MREG: variants seen among roughly 807,000 people sequenced by gnomAD.
MREG encodes dilute suppressor protein homolog.
A neutral mutation model predicts 28.5 loss-of-function variants in MREG; 31 were observed. The observed-to-expected ratio is 1.09, with a 90% CI of 0.82 to 1.47. The LOEUF is 1.47. MREG is among the 40% of genes most tolerant of loss of function. The pLI is 0.00. For missense variants in MREG, 256 were observed against 257.4 expected (o/e 0.99, Z 0.04); for synonymous variants, 106 against 95.2 (o/e 1.11, Z -0.66).
chr2:215,993,551 A>G (rs1693778118), intron 2 of MREG, among the ~76,000 whole-genome samples: 1 of 152,246 alleles, frequency 6.6e-6, no homozygotes. Context: ...CAATGGCAAC[A>G]AAAGCCAAAA....
chr2:215,955,622 C>T (rs1403390605), intron 2 of MREG, among the ~76,000 whole-genome samples: 6 of 152,176 alleles, frequency 3.9e-5, no homozygotes, highest in African/African-American at 1.4e-4. Context: ...TGTCTCTTTC[C>T]TTTCAGTTCG....
intron 1 of MREG, among the ~76,000 whole-genome samples, chr2:216,000,139 C>G (rs569164637): frequency 2.0e-5 from 3 of 152,338 alleles, no homozygotes; most frequent in African/African-American, 7.2e-5. Flanking sequence ...GCATTCCACC[C>G]CTCACGTTAC....
chr2:216,014,494 C>T (rs1694396217), upstream of MREG, among the ~76,000 whole-genome samples: 1 of 151,856 alleles, frequency 6.6e-6, no homozygotes, highest in Non-Finnish European at 1.5e-5. Flanking sequence ...ACTAAAAATA[C>T]AAAAATTAGC....
downstream of MREG, chr2:215,941,595 CCTT>C: frequency 6.6e-6 from 1 of 152,294 alleles, no homozygotes; most frequent in South Asian, 2.1e-4. Flanking sequence ...TTTACAAAGA[CCTT>C]CTTGGAGACC....
intron 2 of MREG, among the ~76,000 whole-genome samples, chr2:215,964,830 G>T (rs1187646210): frequency 7.2e-6 from 1 of 138,312 alleles, no homozygotes; most frequent in African/African-American, 2.6e-5. Context: ...TAAGAATCTA[G>T]ACAGACAGAC....
intron 2 of MREG, among the ~76,000 whole-genome samples, chr2:215,987,979 T>C (rs946491053): frequency 9.2e-5 from 14 of 152,286 alleles, no homozygotes; most frequent in African/African-American, 2.9e-4. Context: ...TTTCAAATCA[T>C]TTCATGCATA....
chr2:215,940,161 A>T (rs1274773141), downstream of MREG, among the ~76,000 whole-genome samples: 1 of 152,252 alleles, frequency 6.6e-6, no homozygotes, highest in Non-Finnish European at 1.5e-5. Context: ...TGTTTAAGTG[A>T]CTTGAAAACT....
chr2:216,001,016 C>A (rs1694001715), intron 1 of MREG, among the ~76,000 whole-genome samples: 1 of 151,620 alleles, frequency 6.6e-6, no homozygotes, highest in Non-Finnish European at 1.5e-5. Context: ...CTCTCTCTAG[C>A]TGTCTCTGTC....
At chr2:215,999,719 G>A (rs943468627) in intron 1 of MREG, among the ~76,000 whole-genome samples, 2 of 152,200 alleles carry the variant, frequency 1.3e-5, no homozygotes, top group Admixed American at 6.5e-5. Flanking sequence ...TCAGAGAGCG[G>A]GTGACAGCAG....
At chr2:216,023,869 T>G (rs1441481117) in intron 1 of MREG, among the ~76,000 whole-genome samples, 1 of 152,200 alleles carries the variant, frequency 6.6e-6, no homozygotes, top group East Asian at 1.9e-4. Context: ...GGTTTCACCA[T>G]GTTGGCCAGG....
At chr2:215,946,901 T>C in intron 3 of MREG, 122 bp downstream of exon 3, 1 of 651,790 alleles carries the variant, frequency 1.5e-6, no homozygotes, top group Non-Finnish European at 2.7e-6. Flanking sequence ...GAATAATTAG[T>C]ACACAGTAGT....
At chr2:215,960,322 C>T (rs1418021624) in intron 2 of MREG, among the ~76,000 whole-genome samples, 1 of 152,196 alleles carries the variant, frequency 6.6e-6, no homozygotes, top group Non-Finnish European at 1.5e-5. Context: ...TACCTGACCA[C>T]AAGAACCGGG....
At chr2:215,961,102 G>C (rs1250425088) in intron 2 of MREG, among the ~76,000 whole-genome samples, 1 of 152,246 alleles carries the variant, frequency 6.6e-6, no homozygotes, top group Non-Finnish European at 1.5e-5. Flanking sequence ...CAAAAGACTG[G>C]ACTAACCTTG....
Position 215,943,267 on chromosome 2 carries a change from G to T in MREG, c.*1596C>A, listed in dbSNP as rs1692227768. ...AACATGAACCATGATCTCTTGACAA[G>T]TTCCTTGCTTAAGTGGCAAGTAACT... On this transcript the variant is annotated 3_prime_UTR_variant, in exon 5 of 5. Transcript: ENST00000263268. 3 of 361,760 alleles carry T rather than the reference G, an allele frequency of 8.3e-6. No individual in the cohort carries two copies. Among genetic ancestry groups the T allele is most frequent in the Admixed American group, 6.1e-5 (2 of 32,846 alleles). The allele number at this position is 361,760 out of a possible 1,614,324, so 22.4% of individuals were successfully genotyped here.
rs1491254196 is a variant in MREG at position 216,031,698 on chromosome 2, A to AG, written c.-68+1090_-68+1091insC. Among the ~76,000 whole-genome samples the AG allele has an allele frequency of 6.2e-3, 806 of 129,034 alleles. 3 individuals carry two copies. The highest frequency in any genetic ancestry group is 0.015 in the African/African-American group (547 of 35,502). 84.7% of individuals were successfully genotyped at this position (129,034 alleles called of 152,430 possible). A position where few individuals can be genotyped will look rare whatever the true frequency, so the allele number is the denominator to read the frequency against. On this transcript the variant is annotated intron_variant, in intron 1 of 3. Transcript: ENST00000420348. ...AAGAAAGAAAGAAAGAAAGAGAAAGAAAGAAAGAAAGAAAGGGAAATGAAA... is the reference window on the plus strand; with the variant it reads ...AAGAAAGAAAGAAAGAAAGAGAAAGAGAAGAAAGAAAGAAAGGGAAATGAAA...
intron 1 of MREG, 74 bp from the exon 2 acceptor site, chr2:215,996,539 T>C (rs1022929609): frequency 1.9e-6 from 2 of 1,071,706 alleles, no homozygotes; most frequent in East Asian, 2.4e-5. Context: ...GCATGCAACA[T>C]ACAATATCAA....
chr2:215,944,829 G>A lies in MREG; in HGVS notation c.*34C>T. 1 of 1,555,710 alleles carries A rather than the reference G, an allele frequency of 6.4e-7. No individual in the cohort carries two copies. The highest frequency in any genetic ancestry group is 1.4e-5 in the African/African-American group (1 of 74,062). ...CTTTGGTTGACTGCTGAGTCCTCAT[G>A]GAAGAATTCCCATTCTGCCCCTGAG... is the stretch of plus-strand genomic sequence containing the variant. On this transcript the variant is annotated 3_prime_UTR_variant, in exon 5 of 5. Coordinates refer to ENST00000263268, the MANE Select transcript of MREG (RefSeq NM_018000.3).
chr2:215,952,695 T>A (rs1692521049), intron 2 of MREG, among the ~76,000 whole-genome samples: 1 of 152,052 alleles, frequency 6.6e-6, no homozygotes, highest in African/African-American at 2.4e-5. Context: ...AAAAATAATA[T>A]AATCACATAG....
At chr2:216,017,279 T>C (rs116923462), upstream of MREG, among the ~76,000 whole-genome samples, 30 of 152,366 alleles carry the variant, frequency 2.0e-4, no homozygotes, top group East Asian at 5.6e-3. Context: ...CTCATTCTTA[T>C]TAACTGATGT....
Sources: gnomAD v4.1 joint callset for allele counts (sites outside exome capture counted in the v4.1 genomes callset) on GRCh38, gnomAD v4.1.1 for gene constraint, MANE v1.5 for transcripts, NCBI Gene and HGNC (gene_info 2026-07-23, HGNC 2026-07-21) for gene names.